Variants in GRAP2 observed in about 807,000 individuals in gnomAD.
GRAP2 encodes GRB2-related adapter protein 2.
Under a neutral mutation model 43.5 loss-of-function variants are expected in GRAP2, and 31 were observed. That is an observed-to-expected ratio of 0.71 (90% CI 0.54 to 0.96). The LOEUF (loss-of-function observed/expected upper bound fraction) is 0.96, where lower values mean the gene tolerates loss of function less well. Among genes scored for constraint, GRAP2 ranks in the 40% least tolerant of loss-of-function variants. The pLI is 0.00. For synonymous variants in GRAP2, 156 were observed against 164.8 expected (o/e 0.95, Z 0.41); for missense variants, 371 against 424.4 (o/e 0.87, Z 1.11).
intron 1 of GRAP2, among the ~76,000 whole-genome samples, chr22:39,919,516 C>T (rs1013493014): frequency 6.6e-6 from 1 of 152,168 alleles, no homozygotes; most frequent in African/African-American, 2.4e-5. Context: ...ATGCCATTTC[C>T]TTCACAATCT....
At chr22:39,929,407 G>A (rs541093963) in intron 1 of GRAP2, among the ~76,000 whole-genome samples, 145 of 152,302 alleles carry the variant, frequency 9.5e-4, no homozygotes, top group Middle Eastern at 6.8e-3. Flanking sequence ...AATAGTCATG[G>A]TTAAAAGCTA....
chr22:39,916,203 C>T (rs1181297597), intron 1 of GRAP2, among the ~76,000 whole-genome samples: 4 of 152,270 alleles, frequency 2.6e-5, no homozygotes, highest in Admixed American at 6.5e-5. Context: ...CTGAAGGCAG[C>T]GGTGGTCCTG....
At chr22:39,902,674 G>A (rs1451092636) in intron 1 of GRAP2, among the ~76,000 whole-genome samples, 1 of 152,182 alleles carries the variant, frequency 6.6e-6, no homozygotes, top group African/African-American at 2.4e-5. Context: ...AAGCAGAGGA[G>A]AAGGAGATGA....
intron 1 of GRAP2, among the ~76,000 whole-genome samples, chr22:39,917,072 G>A (rs1363032448): frequency 1.3e-5 from 2 of 152,146 alleles, no homozygotes; most frequent in Non-Finnish European, 2.9e-5. Flanking sequence ...AATCATTTTT[G>A]AAACTGAGAA....
chr22:39,905,740 C>T (rs779176484), intron 1 of GRAP2, among the ~76,000 whole-genome samples: 3 of 152,088 alleles, frequency 2.0e-5, no homozygotes, highest in South Asian at 2.1e-4. Context: ...AGGTCTAGTA[C>T]GTTGCACAAG....
chr22:39,950,151 C>T (rs1033059940), intron 2 of GRAP2, among the ~76,000 whole-genome samples: 1 of 152,084 alleles, frequency 6.6e-6, no homozygotes, highest in African/African-American at 2.4e-5. Flanking sequence ...CTCTGATTGC[C>T]CCTCTCCTAC....
At chr22:39,947,040 T>C (rs2066929611) in intron 1 of GRAP2, 53 bp from the exon 2 acceptor site, 2 of 1,023,438 alleles carry the variant, frequency 2.0e-6, no homozygotes, top group Admixed American at 1.7e-5. Context: ...CCATCGGCTC[T>C]GCTGCCCTCC....
chr22:39,928,792 A>G (rs899979906), intron 1 of GRAP2, among the ~76,000 whole-genome samples: 3 of 152,210 alleles, frequency 2.0e-5, no homozygotes, highest in Admixed American at 6.5e-5. Flanking sequence ...TTTGAGTCAC[A>G]CATTCCTCAT....
At chr22:39,959,947 TG>T in intron 3 of GRAP2, 107 bp from the exon 4 acceptor site, 1 of 983,924 alleles carries the variant, frequency 1.0e-6, no homozygotes, top group African/African-American at 1.6e-5. Context: ...TGCTCCCTAC[TG>T]TACAGAGTCC....
intron 2 of GRAP2, chr22:39,948,001 G>A (rs534267012): frequency 6.6e-6 from 1 of 151,808 alleles, no homozygotes. Context: ...CTGATCCCTG[G>A]TCCTCAGATA....
intron 1 of GRAP2, among the ~76,000 whole-genome samples, chr22:39,904,036 G>A (rs1419399451): frequency 1.3e-5 from 2 of 152,138 alleles, no homozygotes; most frequent in Non-Finnish European, 2.9e-5. Context: ...ATCACGAAGT[G>A]CATGATGATA....
upstream of GRAP2, among the ~76,000 whole-genome samples, chr22:39,900,156 G>A (rs1027224762): frequency 2.0e-5 from 3 of 152,182 alleles, no homozygotes; most frequent in Non-Finnish European, 2.9e-5. Flanking sequence ...TAAATTTTAA[G>A]CAAGGTTTAG....
intron 1 of GRAP2, among the ~76,000 whole-genome samples, chr22:39,941,829 C>T (rs2145626410): frequency 6.6e-6 from 1 of 151,756 alleles, no homozygotes; most frequent in East Asian, 1.9e-4. Context: ...ATCTGTACTC[C>T]AAGGTGAAAT....
chr22:39,926,878 A>G, intron 1 of GRAP2: 2 of 979,260 alleles, frequency 2.0e-6, no homozygotes, highest in Non-Finnish European at 2.4e-6. Flanking sequence ...ATTTATCGTG[A>G]TTGGAATGGG....
At chr22:39,906,109 A>T (rs546854925) in intron 1 of GRAP2, among the ~76,000 whole-genome samples, 1 of 152,288 alleles carries the variant, frequency 6.6e-6, no homozygotes, top group African/African-American at 2.4e-5. Flanking sequence ...GAAAGGAACA[A>T]TACAAGCGGG....
chr22:39,956,805 A>G (rs539692139), intron 3 of GRAP2, among the ~76,000 whole-genome samples: 2 of 152,292 alleles, frequency 1.3e-5, no homozygotes, highest in South Asian at 2.1e-4. Context: ...TGTAAACTCA[A>G]ATTATCTATA....
At chr22:39,961,986 T>A (rs1685767482) in intron 4 of GRAP2, among the ~76,000 whole-genome samples, 1 of 152,284 alleles carries the variant, frequency 6.6e-6, no homozygotes, top group Admixed American at 6.5e-5. Flanking sequence ...GCCCTTGCAA[T>A]CTTGCTTAAA....
intron 2 of GRAP2, among the ~76,000 whole-genome samples, chr22:39,948,726 A>G (rs1024878106): frequency 1.3e-5 from 2 of 151,852 alleles, no homozygotes; most frequent in African/African-American, 4.8e-5. Context: ...TGATCTCCTT[A>G]ATGTGTAGTA....
chr22:39,963,814 G>A (rs139193862), intron 4 of GRAP2: 76 of 152,538 alleles, frequency 5.0e-4, no homozygotes, highest in African/African-American at 1.5e-3. Context: ...TCAGGAGATC[G>A]AGACCATCCT....
Sources: gnomAD v4.1 joint callset for allele counts (sites outside exome capture counted in the v4.1 genomes callset) on GRCh38, gnomAD v4.1.1 for gene constraint, MANE v1.5 for transcripts, NCBI Gene and HGNC (gene_info 2026-07-23, HGNC 2026-07-21) for gene names.